MACROD2: variants seen among roughly 807,000 people sequenced by gnomAD.
MACROD2 encodes the protein ADP-ribose glycohydrolase MACROD2.
In MACROD2, 36 loss-of-function variants were observed where a neutral mutation model predicts 70.4. The observed-to-expected ratio is 0.51, with a 90% CI of 0.39 to 0.68. The LOEUF (loss-of-function observed/expected upper bound fraction) is 0.68, where lower values mean the gene tolerates loss of function less well. MACROD2 is among the 30% of genes least tolerant of loss of function. The pLI is 0.00. For missense variants in MACROD2, 496 were observed against 538.4 expected (o/e 0.92, Z 0.78); for synonymous variants, 172 against 178.8 (o/e 0.96, Z 0.30).
intron 3 of MACROD2, among the ~76,000 whole-genome samples, chr20:14,456,785 C>T (rs1437442214): frequency 5.1e-5 from 7 of 138,206 alleles, no homozygotes; most frequent in East Asian, 2.2e-4. Flanking sequence ...GGTGCGATCT[C>T]GGCTCAATGC....
chr20:14,631,594 C>T (rs1984512967), intron 4 of MACROD2, among the ~76,000 whole-genome samples: 2 of 152,058 alleles, frequency 1.3e-5, no homozygotes, highest in Non-Finnish European at 2.9e-5. Flanking sequence ...CACCGTGAAA[C>T]CCCGTCTCTA....
At chr20:14,424,758 C>G (rs1411706615) in intron 3 of MACROD2, among the ~76,000 whole-genome samples, 1 of 152,230 alleles carries the variant, frequency 6.6e-6, no homozygotes, top group Non-Finnish European at 1.5e-5. Flanking sequence ...GAGCCCCAAT[C>G]TAATAAAGTC....
chr20:15,071,287 C>T (rs776533587), intron 5 of MACROD2, among the ~76,000 whole-genome samples: 2 of 152,116 alleles, frequency 1.3e-5, no homozygotes, highest in African/African-American at 2.4e-5. Context: ...ACTAAATCAG[C>T]GAGGAGTTTT....
At chr20:15,970,303 C>A (rs768880764) in intron 13 of MACROD2, among the ~76,000 whole-genome samples, 20 of 152,062 alleles carry the variant, frequency 1.3e-4, no homozygotes, top group Admixed American at 6.6e-4. Flanking sequence ...CTGGATAAGT[C>A]TAGATAAATA....
intron 5 of MACROD2, among the ~76,000 whole-genome samples, chr20:14,903,873 G>C (rs1289911042): frequency 1.3e-5 from 2 of 152,236 alleles, no homozygotes; most frequent in Non-Finnish European, 2.9e-5. Flanking sequence ...CTCACTGAAG[G>C]GGTTAAAGAA....
intron 16 of MACROD2, among the ~76,000 whole-genome samples, chr20:16,041,715 A>ATTG (rs1329529160): frequency 6.6e-6 from 1 of 151,920 alleles, no homozygotes; most frequent in African/African-American, 2.4e-5. Context: ...ACTTCACTCC[A>ATTG]CTGTATCACA....
intron 15 of MACROD2, among the ~76,000 whole-genome samples, chr20:16,008,979 A>G (rs1257391922): frequency 6.6e-6 from 1 of 152,200 alleles, no homozygotes; most frequent in African/African-American, 2.4e-5. Context: ...TGCTGCCAAC[A>G]TCTTTGATCA....
chr20:15,855,520 C>T (rs1374287178), intron 8 of MACROD2, among the ~76,000 whole-genome samples: 1 of 152,018 alleles, frequency 6.6e-6, no homozygotes, highest in African/African-American at 2.4e-5. Context: ...GGACTTTTAA[C>T]CTTTAAAAAA....
chr20:15,070,672 C>T (rs1452118204), intron 5 of MACROD2, among the ~76,000 whole-genome samples: 1 of 152,120 alleles, frequency 6.6e-6, no homozygotes, highest in Non-Finnish European at 1.5e-5. Flanking sequence ...CTGGCTCCCC[C>T]TTTGCCTTCT....
chr20:14,757,843 C>G, intron 5 of MACROD2: 1 of 1,519,962 alleles, frequency 6.6e-7, no homozygotes, highest in Non-Finnish European at 9.1e-7. Flanking sequence ...CCACTCTATG[C>G]CGTAGCCGTC....
intron 8 of MACROD2, among the ~76,000 whole-genome samples, chr20:15,765,663 T>C (rs891454507): frequency 2.0e-5 from 3 of 152,300 alleles, no homozygotes; most frequent in Admixed American, 1.3e-4. Context: ...ACATAAAAAG[T>C]TAATGAGATC....
chr20:15,891,192 C>G (rs1026803592), intron 10 of MACROD2, among the ~76,000 whole-genome samples: 3 of 152,058 alleles, frequency 2.0e-5, no homozygotes, highest in African/African-American at 7.2e-5. Context: ...GAGAAGGGAG[C>G]AGACATATGA....
intron 5 of MACROD2, among the ~76,000 whole-genome samples, chr20:15,032,674 T>A (rs759252609): frequency 3.9e-5 from 6 of 152,360 alleles, no homozygotes; most frequent in African/African-American, 1.4e-4. Context: ...TGACAGATCC[T>A]CAAAAAGTTA....
intron 2 of MACROD2, chr20:14,053,494 G>A (rs2053595683): frequency 6.6e-6 from 1 of 152,080 alleles, no homozygotes; most frequent in Admixed American, 6.6e-5. Context: ...TGTCCTCTGT[G>A]AATGAAGGTA....
At chr20:15,260,206 T>C (rs956999814) in intron 6 of MACROD2, among the ~76,000 whole-genome samples, 9 of 151,782 alleles carry the variant, frequency 5.9e-5, no homozygotes, top group Non-Finnish European at 1.0e-4. Context: ...AGTTGCCCTA[T>C]TGTGATACTC....
At chr20:14,908,258 T>C (rs2073983612) in intron 5 of MACROD2, among the ~76,000 whole-genome samples, 1 of 152,134 alleles carries the variant, frequency 6.6e-6, no homozygotes. Context: ...GGAGAATCAC[T>C]TGATCCCAGG....
chr20:15,698,246 G>A (rs2050405747), intron 8 of MACROD2, among the ~76,000 whole-genome samples: 1 of 152,106 alleles, frequency 6.6e-6, no homozygotes, highest in Admixed American at 6.5e-5. Context: ...ACTCCTTTTA[G>A]CAGTTCTTGT....
At chr20:14,992,770 G>A (rs1007258109) in intron 5 of MACROD2, among the ~76,000 whole-genome samples, 3 of 152,160 alleles carry the variant, frequency 2.0e-5, no homozygotes, top group Admixed American at 6.5e-5. Context: ...AATGTATATC[G>A]TATATTGTGA....
chr20:14,610,234 T>TA (rs1387686261), intron 4 of MACROD2, among the ~76,000 whole-genome samples: 1 of 152,192 alleles, frequency 6.6e-6, no homozygotes, highest in Admixed American at 6.5e-5. Flanking sequence ...AGACTTAAAC[T>TA]ATAATTTCAT....
Sources: allele counts gnomAD v4.1 joint callset (sites outside exome capture counted in the v4.1 genomes callset), GRCh38; gene constraint gnomAD v4.1.1; transcripts MANE v1.5; gene names NCBI Gene and HGNC (gene_info 2026-07-23, HGNC 2026-07-21).